ELMO1: variants seen among roughly 807,000 people sequenced by gnomAD.
ELMO1 encodes the protein engulfment and cell motility protein 1.
ELMO1 carries 26 observed loss-of-function variants against 98.9 expected under a neutral mutation model. The observed-to-expected ratio is 0.26, with a 90% CI of 0.19 to 0.36. The LOEUF is 0.36. Among genes scored for constraint, ELMO1 ranks in the 10% least tolerant of loss-of-function variants. The probability of loss-of-function intolerance (pLI) is 1.00; values close to 1 mark genes in which losing one functional copy is unlikely to be tolerated. For missense variants in ELMO1, 627 were observed against 935.2 expected, an observed-to-expected ratio of 0.67 and a Z score of 4.30; for synonymous variants, 346 against 346.0, an observed-to-expected ratio of 1.00 and a Z score of 0.00.
intron 1 of ELMO1, among the ~76,000 whole-genome samples, chr7:37,369,962 C>G (rs1408377285): frequency 6.6e-6 from 1 of 152,062 alleles, no homozygotes; most frequent in Non-Finnish European, 1.5e-5. Flanking sequence ...TCTTTAAGTT[C>G]CCTTATCTGA....
At chr7:36,963,390 A>C (rs910051280) in intron 16 of ELMO1, among the ~76,000 whole-genome samples, 11 of 138,566 alleles carry the variant, frequency 7.9e-5, no homozygotes, top group African/African-American at 3.2e-4. Context: ...TAAATAAATA[A>C]ATAAATAAAT....
At chr7:37,275,641 G>A (rs918094561) in intron 4 of ELMO1, among the ~76,000 whole-genome samples, 7 of 152,186 alleles carry the variant, frequency 4.6e-5, no homozygotes, top group Non-Finnish European at 1.0e-4. Context: ...AGCAATTACT[G>A]CTGTCCCAGA....
intron 4 of ELMO1, among the ~76,000 whole-genome samples, chr7:37,278,295 G>C (rs1437498355): frequency 6.6e-6 from 1 of 151,754 alleles, no homozygotes; most frequent in Non-Finnish European, 1.5e-5. Flanking sequence ...AAGTAAGAGA[G>C]ATTATCCTAG....
intron 15 of ELMO1, among the ~76,000 whole-genome samples, chr7:37,016,070 C>G (rs1793912274): frequency 6.6e-6 from 1 of 152,166 alleles, no homozygotes; most frequent in Admixed American, 6.5e-5. Context: ...TACCTTAAAA[C>G]ACTATTGCCA....
intron 13 of ELMO1, among the ~76,000 whole-genome samples, chr7:37,146,977 A>C (rs538227797): frequency 5.3e-5 from 8 of 151,786 alleles, no homozygotes; most frequent in African/African-American, 1.9e-4. Context: ...AGTAAGTGGC[A>C]GAGTCACCAC....
chr7:37,001,432 C>T (rs1176514614), intron 16 of ELMO1, among the ~76,000 whole-genome samples: 4 of 152,122 alleles, frequency 2.6e-5, no homozygotes, highest in African/African-American at 9.7e-5. Flanking sequence ...TTAAAAGCAC[C>T]TGGAGGATAT....
chr7:37,088,019 T>C (rs1020543282), intron 15 of ELMO1, among the ~76,000 whole-genome samples: 1 of 152,136 alleles, frequency 6.6e-6, no homozygotes, highest in Non-Finnish European at 1.5e-5. Flanking sequence ...AAGAAGACAA[T>C]GGGAGCCTGT....
chr7:36,915,273 G>C (rs1784610168), intron 16 of ELMO1, among the ~76,000 whole-genome samples: 1 of 152,122 alleles, frequency 6.6e-6, no homozygotes. Context: ...ACTAATAAAA[G>C]GCTAAGCTTA....
At chr7:37,280,213 G>A (rs2723950) in intron 4 of ELMO1, among the ~76,000 whole-genome samples, 152,355 of 152,368 alleles carry the variant, frequency 1, 76,171 homozygotes, top group Non-Finnish European at 1. Flanking sequence ...AAGATGGATT[G>A]AGGACTTAAA....
intron 16 of ELMO1, among the ~76,000 whole-genome samples, chr7:36,920,220 G>A (rs574992857): frequency 9.2e-4 from 140 of 152,356 alleles, no homozygotes; most frequent in Non-Finnish European, 1.6e-3. Context: ...AGAAGTCAAT[G>A]AGTATGTGAA....
upstream of ELMO1, chr7:37,448,933 G>A (rs1260284870): frequency 6.6e-6 from 1 of 152,480 alleles, no homozygotes. Flanking sequence ...CTGCTGGCCA[G>A]AGACACATTT....
chr7:36,963,684 A>C (rs1789163938), intron 16 of ELMO1, among the ~76,000 whole-genome samples: 1 of 152,170 alleles, frequency 6.6e-6, no homozygotes, highest in African/African-American at 2.4e-5. Context: ...GCACCACTGA[A>C]ATTTCGTAAC....
chr7:37,278,284 T>C (rs999345103), intron 4 of ELMO1, among the ~76,000 whole-genome samples: 1 of 152,048 alleles, frequency 6.6e-6, no homozygotes, highest in Non-Finnish European at 1.5e-5. Flanking sequence ...CACTTGACTT[T>C]AAGTAAGAGA....
chr7:36,898,338 G>T (rs1478489075), intron 16 of ELMO1, among the ~76,000 whole-genome samples: 2 of 152,320 alleles, frequency 1.3e-5, no homozygotes, highest in East Asian at 3.9e-4. Context: ...ATTAAACACA[G>T]ACATCAAAGA....
At chr7:37,426,393 G>T (rs576556203) in intron 1 of ELMO1, among the ~76,000 whole-genome samples, 1 of 151,934 alleles carries the variant, frequency 6.6e-6, no homozygotes, top group African/African-American at 2.4e-5. Flanking sequence ...GACCTCAGGC[G>T]ATCCGCCCTA....
chr7:37,004,506 T>G, intron 16 of ELMO1, among the ~76,000 whole-genome samples: 1 of 152,162 alleles, frequency 6.6e-6, no homozygotes, highest in South Asian at 2.1e-4. Context: ...TCAATTATTT[T>G]CTCCTCCTAA....
intron 21 of ELMO1, among the ~76,000 whole-genome samples, chr7:36,857,227 C>T (rs535342498): frequency 2.0e-5 from 3 of 152,244 alleles, no homozygotes; most frequent in Non-Finnish European, 2.9e-5. Context: ...AAGGGATTTC[C>T]GGAAGAATTA....
chr7:37,164,531 G>C (rs1050263780), intron 13 of ELMO1, among the ~76,000 whole-genome samples: 3 of 152,130 alleles, frequency 2.0e-5, no homozygotes, highest in African/African-American at 7.2e-5. Context: ...GTAAGGAAGG[G>C]ATCCAGTTTC....
At chr7:37,090,725 C>T (rs1330265129) in intron 15 of ELMO1, among the ~76,000 whole-genome samples, 1 of 152,214 alleles carries the variant, frequency 6.6e-6, no homozygotes, top group African/African-American at 2.4e-5. Context: ...CTCCTTTCCC[C>T]AGCCCTGCCC....
Sources: allele counts gnomAD v4.1 joint callset (sites outside exome capture counted in the v4.1 genomes callset), GRCh38; gene constraint gnomAD v4.1.1; transcripts MANE v1.5; gene names NCBI Gene and HGNC (gene_info 2026-07-23, HGNC 2026-07-21).